ANK3: variants seen among roughly 807,000 people sequenced by gnomAD.
ANK3 encodes ankyrin-3.
ANK3 carries 57 observed loss-of-function variants against 370.9 expected under a neutral mutation model. That is an observed-to-expected ratio of 0.15 (90% CI 0.12 to 0.19). ANK3 has a LOEUF of 0.19. ANK3 is among the 10% of genes least tolerant of loss of function. The pLI, the probability that ANK3 is intolerant of heterozygous loss-of-function variation, is 1.00. For missense variants in ANK3, 4,439 were observed against 5,302.1 expected, an observed-to-expected ratio of 0.84 and a Z score of 5.06; for synonymous variants, 1,929 against 1,946.3, an observed-to-expected ratio of 0.99 and a Z score of 0.23.
chr10:60,083,821 C>A, intron 32 of ANK3: 1 of 460,120 alleles, frequency 2.2e-6, no homozygotes, highest in Non-Finnish European at 3.8e-6. Context: ...ATATCATGGA[C>A]ATATACAGAA....
chr10:60,324,484 C>G (rs1464325761), intron 1 of ANK3, among the ~76,000 whole-genome samples: 1 of 152,136 alleles, frequency 6.6e-6, no homozygotes, highest in Non-Finnish European at 1.5e-5. Context: ...CTTTATTGGG[C>G]TCTCATTAAT....
chr10:60,108,154 T>C (rs1003315410), intron 27 of ANK3: 16 of 413,810 alleles, frequency 3.9e-5, no homozygotes, highest in Non-Finnish European at 7.6e-5. Flanking sequence ...AAAAAAATTG[T>C]AGACATTCTG....
intron 1 of ANK3, among the ~76,000 whole-genome samples, chr10:60,701,755 C>T (rs1038570355): frequency 6.6e-6 from 1 of 152,050 alleles, no homozygotes; most frequent in African/African-American, 2.4e-5. Context: ...ATTAATCTGC[C>T]CTCCTTTATC....
At chr10:60,305,110 A>G (rs891072677) in intron 1 of ANK3, among the ~76,000 whole-genome samples, 2 of 152,114 alleles carry the variant, frequency 1.3e-5, no homozygotes, top group Non-Finnish European at 2.9e-5. Flanking sequence ...AAAAGTCTTC[A>G]CTATCCCCAT....
At chr10:60,404,331 GAATTTA>G (rs1385876367) in intron 2 of ANK3, among the ~76,000 whole-genome samples, 14 of 152,026 alleles carry the variant, frequency 9.2e-5, no homozygotes, top group Admixed American at 2.6e-4. Flanking sequence ...GACACTACCT[GAATTTA>G]AAATTCACTA....
chr10:60,216,041 T>C (rs2096931481), intron 8 of ANK3, among the ~76,000 whole-genome samples: 1 of 152,206 alleles, frequency 6.6e-6, no homozygotes, highest in African/African-American at 2.4e-5. Context: ...TGGTTTGTAG[T>C]TCTCCTTGCA....
At chr10:60,672,453 G>A (rs570395074) in intron 1 of ANK3, among the ~76,000 whole-genome samples, 87 of 152,264 alleles carry the variant, frequency 5.7e-4, no homozygotes, top group African/African-American at 1.9e-3. Flanking sequence ...ATGTCTACAT[G>A]ATAAAAACTA....
intron 1 of ANK3, among the ~76,000 whole-genome samples, chr10:60,696,044 A>G (rs2079443733): frequency 6.6e-6 from 1 of 151,088 alleles, no homozygotes; most frequent in Non-Finnish European, 1.5e-5. Context: ...AATCAAATAG[A>G]CGCAATAAAA....
intron 28 of ANK3, among the ~76,000 whole-genome samples, chr10:60,090,435 T>C (rs1368275913): frequency 6.6e-6 from 1 of 152,118 alleles, no homozygotes; most frequent in African/African-American, 2.4e-5. Flanking sequence ...ATATAAAAGG[T>C]AATATATTTG....
At chr10:60,628,164 C>T (rs1016461795) in intron 1 of ANK3, among the ~76,000 whole-genome samples, 4 of 152,110 alleles carry the variant, frequency 2.6e-5, no homozygotes, top group Non-Finnish European at 5.9e-5. Context: ...TTGATAATAT[C>T]CATTAAGTTA....
intron 40 of ANK3, chr10:60,062,507 T>G (rs1462479393): frequency 6.6e-6 from 1 of 152,218 alleles, no homozygotes; most frequent in Non-Finnish European, 1.5e-5. Flanking sequence ...CTGCCTTTGA[T>G]ATACAATAGA....
At chr10:60,105,390 A>G (rs1204307069) in intron 28 of ANK3, among the ~76,000 whole-genome samples, 1 of 152,172 alleles carries the variant, frequency 6.6e-6, no homozygotes, top group Non-Finnish European at 1.5e-5. Context: ...TCAAAGAATG[A>G]GACATTGAAA....
At chr10:60,456,484 G>T (rs562414352) in intron 2 of ANK3, among the ~76,000 whole-genome samples, 1 of 152,126 alleles carries the variant, frequency 6.6e-6, no homozygotes, top group South Asian at 2.1e-4. Flanking sequence ...ATCTCACAGA[G>T]GGAGGAAATA....
At chr10:60,174,628 T>C (rs945000652) in intron 18 of ANK3, among the ~76,000 whole-genome samples, 4 of 152,216 alleles carry the variant, frequency 2.6e-5, no homozygotes, top group Non-Finnish European at 5.9e-5. Flanking sequence ...AAAATCTAAA[T>C]ATTAAAAAAT....
chr10:60,393,425 T>C (rs1214251763), upstream of ANK3, among the ~76,000 whole-genome samples: 2 of 152,188 alleles, frequency 1.3e-5, no homozygotes. Context: ...TCATGTAGAG[T>C]GCTTCCCGCC....
chr10:60,212,683 G>T (rs1417382), intron 9 of ANK3, among the ~76,000 whole-genome samples: 1 of 152,092 alleles, frequency 6.6e-6, no homozygotes, highest in Non-Finnish European at 1.5e-5. Context: ...AGTGAAGACA[G>T]AAATAATATG....
intron 1 of ANK3, among the ~76,000 whole-genome samples, chr10:60,379,918 C>G (rs903410394): frequency 6.6e-6 from 1 of 151,974 alleles, no homozygotes; most frequent in Admixed American, 6.6e-5. Context: ...TGCTAATTAT[C>G]TTGATCTGAT....
At position 60,083,602 on chromosome 10, in the gene ANK3, G is replaced by T. The variant is rs142110623; in HGVS notation, c.4090C>A (p.Pro1364Thr). 3.7e-6 allele frequency: 6 copies of T among 1,603,398 alleles called. No homozygotes were observed. The East Asian group carries it at 1.1e-4, about 30-fold the overall frequency. ...SKDIEVLEGK[P>T]IYVDCYGNLA... is the part of the protein sequence containing the mutation. ...TTTCCATAACAATCAACATAAATAGGTTTTCCTTCCAGAACCTTTTAGAGT... is the reference window on the plus strand; with the variant it reads ...TTTCCATAACAATCAACATAAATAGTTTTTCCTTCCAGAACCTTTTAGAGT... Residue 1364 changes from proline to threonine, a missense_variant, in exon 33 of 44, where the codon CCT becomes ACT. Transcript: ENST00000280772.
At chr10:60,147,583 G>T (rs1025888981) in intron 23 of ANK3, among the ~76,000 whole-genome samples, 9 of 152,194 alleles carry the variant, frequency 5.9e-5, no homozygotes, top group Non-Finnish European at 1.3e-4. Context: ...GGAGGTGGTT[G>T]GATCACATGG....
Sources: gnomAD v4.1 joint callset for allele counts (sites outside exome capture counted in the v4.1 genomes callset) on GRCh38, gnomAD v4.1.1 for gene constraint, MANE v1.5 for transcripts, NCBI Gene and HGNC (gene_info 2026-07-23, HGNC 2026-07-21) for gene names.